The following ST6GAL1 variants were observed in gnomAD, a reference collection of about 807,000 sequenced individuals.
The protein encoded by ST6GAL1 is ST6 beta-galactoside alpha-2,6-sialyltransferase 1, also known as beta-galactoside alpha-2,6-sialyltransferase 1.
ST6GAL1 carries 20 observed loss-of-function variants against 38.0 expected under a neutral mutation model. The observed-to-expected ratio is 0.53, with a 90% CI of 0.37 to 0.77. ST6GAL1 has a LOEUF of 0.77. Ranked by LOEUF, ST6GAL1 falls within the 30% of genes least tolerant of loss-of-function variation. ST6GAL1 has a pLI of 0.00. For synonymous variants in ST6GAL1, 196 were observed against 188.2 expected (o/e 1.04, Z -0.34); for missense variants, 432 against 496.4 (o/e 0.87, Z 1.23).
chr3:187,062,012 T>A (rs9843563), intron 5 of ST6GAL1, among the ~76,000 whole-genome samples: 15,147 of 152,162 alleles, frequency 0.1, 2,514 homozygotes, highest in African/African-American at 0.34. Context: ...TAGAACACTC[T>A]TCAAACAACA....
intron 1 of ST6GAL1, chr3:186,948,542 TG>T (rs1329674473): frequency 9.7e-5 from 4 of 41,104 alleles, no homozygotes; most frequent in African/African-American, 2.8e-4. Context: ...TGTGTGTGTG[TG>T]TGTGTGTGTG....
chr3:187,059,008 G>T (rs575503179), intron 5 of ST6GAL1, among the ~76,000 whole-genome samples: 4 of 152,274 alleles, frequency 2.6e-5, no homozygotes, highest in South Asian at 4.1e-4. Flanking sequence ...GCTCTCTGGG[G>T]CAAATGACAG....
intron 2 of ST6GAL1, among the ~76,000 whole-genome samples, chr3:187,016,126 C>A (rs1205755257): frequency 6.6e-6 from 1 of 152,202 alleles, no homozygotes; most frequent in African/African-American, 2.4e-5. Flanking sequence ...TACAGAGCCG[C>A]AGACCCAGCA....
chr3:186,954,344 C>T (rs1253412166), intron 1 of ST6GAL1, among the ~76,000 whole-genome samples: 1 of 152,156 alleles, frequency 6.6e-6, no homozygotes, highest in Non-Finnish European at 1.5e-5. Flanking sequence ...TGAGTATATA[C>T]TCAGTAATGG....
chr3:187,051,645 C>T (rs1302664655), intron 5 of ST6GAL1: 21 of 344,008 alleles, frequency 6.1e-5, no homozygotes, highest in Admixed American at 2.7e-4. Context: ...ACATGAGGGA[C>T]AGCAGAGCGC....
intron 1 of ST6GAL1, 45 bp downstream of exon 1, chr3:186,930,879 C>T (rs1362028488): frequency 2.0e-5 from 3 of 153,224 alleles, no homozygotes; most frequent in Non-Finnish European, 4.4e-5. Context: ...CGGGCTATCC[C>T]GGGAGGAGTG....
chr3:186,947,063 G>T (rs546894396), intron 1 of ST6GAL1, among the ~76,000 whole-genome samples: 1 of 152,182 alleles, frequency 6.6e-6, no homozygotes, highest in East Asian at 1.9e-4. Context: ...ATGAAGGGGC[G>T]TTGGCATGTC....
At chr3:186,999,002 G>A (rs1276179263) in intron 2 of ST6GAL1, among the ~76,000 whole-genome samples, 1 of 152,240 alleles carries the variant, frequency 6.6e-6, no homozygotes, top group African/African-American at 2.4e-5. Context: ...CTGGATCCTG[G>A]CCTCTCCCTC....
chr3:186,985,420 A>AC lies in ST6GAL1; in HGVS notation c.-183+21495dup, dbSNP rs1715877982. Among the ~76,000 whole-genome samples the AC allele has an allele frequency of 5.3e-5, 4 of 75,096 alleles. No individual in the cohort carries two copies. In the South Asian group the frequency reaches 3.1e-3, roughly 58 times the overall value. The allele number at this position is 75,096 out of a possible 152,430, so 49.3% of individuals were successfully genotyped here. A position where few individuals can be genotyped will look rare whatever the true frequency, so the allele number is the denominator to read the frequency against. On this transcript the variant is annotated intron_variant, in intron 2 of 7. Transcript: ENST00000169298. The stretch of plus-strand genomic sequence containing the variant: ...ACTTAGCACTTAGCAAATGTTTAAT[A>AC]CATTTTTTTTTAAAGTGAGTAAGCG...
At chr3:186,943,180 G>T (rs1714238129) in intron 1 of ST6GAL1, among the ~76,000 whole-genome samples, 1 of 152,252 alleles carries the variant, frequency 6.6e-6, no homozygotes. Flanking sequence ...ATTTCTGGAA[G>T]AGGCAACACA....
intron 2 of ST6GAL1, among the ~76,000 whole-genome samples, chr3:187,014,208 G>A (rs1162694272): frequency 6.6e-6 from 1 of 152,216 alleles, no homozygotes; most frequent in African/African-American, 2.4e-5. Flanking sequence ...CGACTGTCAT[G>A]TAATTTGCCT....
chr3:187,051,414 A>G (rs1718510196), intron 5 of ST6GAL1, 68 bp downstream of exon 5: 1 of 1,437,326 alleles, frequency 7.0e-7, no homozygotes. Flanking sequence ...TGTGGAATGT[A>G]TCTACTGGGA....
intron 5 of ST6GAL1, among the ~76,000 whole-genome samples, chr3:187,059,268 C>T (rs1579370951): frequency 6.6e-6 from 1 of 152,156 alleles, no homozygotes; most frequent in Non-Finnish European, 1.5e-5. Context: ...AATTGGCTGG[C>T]CTTGCCCCGT....
chr3:187,043,219 G>A lies in ST6GAL1; in HGVS notation c.516G>A (p.Glu172=). ...AATGGGAGGGTTATCTGCCCAAGGA[G>A]AGCATTAGGACCAAGGCTGGGCCTT... ...TSEWEGYLPK[E]SIRTKAGPWG... Residue 172 remains glutamate (E), a synonymous_variant, in exon 4 of 8, where the codon GAG becomes GAA. Coordinates refer to ENST00000169298, the MANE Select transcript of ST6GAL1 (RefSeq NM_173216.2). 3 of 1,614,220 alleles carry A rather than the reference G, an allele frequency of 1.9e-6. No individual in the cohort carries two copies. The highest frequency in any genetic ancestry group is 1.1e-5 in the South Asian group (1 of 91,072).
chr3:187,042,552 A>G, intron 3 of ST6GAL1, 102 bp from the exon 4 acceptor site: 3 of 1,128,120 alleles, frequency 2.7e-6, no homozygotes, highest in Non-Finnish European at 3.7e-6. Context: ...CTGGAATTCA[A>G]GTCACCTCAT....
chr3:187,068,192 A>G (rs938688405), intron 5 of ST6GAL1, among the ~76,000 whole-genome samples: 6 of 152,216 alleles, frequency 3.9e-5, no homozygotes, highest in African/African-American at 1.4e-4. Flanking sequence ...AATACAAAAA[A>G]TTAGCTGGGT....
At chr3:187,035,757 A>G (rs1457380036) in intron 2 of ST6GAL1, among the ~76,000 whole-genome samples, 1 of 152,262 alleles carries the variant, frequency 6.6e-6, no homozygotes, top group Non-Finnish European at 1.5e-5. Context: ...AATTAACTCA[A>G]GATCAATTAA....
At chr3:186,992,075 C>A (rs1688495092) in intron 2 of ST6GAL1, among the ~76,000 whole-genome samples, 1 of 152,136 alleles carries the variant, frequency 6.6e-6, no homozygotes, top group Non-Finnish European at 1.5e-5. Context: ...TTTCAGTATC[C>A]CGCCATAAAT....
intron 1 of ST6GAL1, among the ~76,000 whole-genome samples, chr3:186,935,015 T>C (rs534368826): frequency 2.8e-4 from 43 of 152,090 alleles, no homozygotes; most frequent in Admixed American, 2.0e-3. Context: ...TTTTAAACTT[T>C]TATTTTGGGT....
Sources: gnomAD v4.1 joint callset for allele counts (sites outside exome capture counted in the v4.1 genomes callset) on GRCh38, gnomAD v4.1.1 for gene constraint, MANE v1.5 for transcripts, NCBI Gene and HGNC (gene_info 2026-07-23, HGNC 2026-07-21) for gene names.